RERE: variants seen among roughly 807,000 people sequenced by gnomAD.
The protein encoded by RERE is arginine-glutamic acid dipeptide repeats protein.
Under a neutral mutation model 146.1 loss-of-function variants are expected in RERE, and 40 were observed. That is an observed-to-expected ratio of 0.27 (90% CI 0.21 to 0.36). The LOEUF (loss-of-function observed/expected upper bound fraction) is 0.36. Among genes scored for constraint, RERE ranks in the 10% least tolerant of loss-of-function variants. The probability of loss-of-function intolerance (pLI) is 1.00; values close to 1 mark genes in which losing one functional copy is unlikely to be tolerated. For missense variants in RERE, 1,933 were observed against 2,138.7 expected (o/e 0.90, Z 1.90); for synonymous variants, 1,003 against 866.0 (o/e 1.16, Z -2.78).
At chr1:8,755,404 T>G (rs1393816043) in intron 1 of RERE, among the ~76,000 whole-genome samples, 1 of 152,248 alleles carries the variant, frequency 6.6e-6, no homozygotes, top group African/African-American at 2.4e-5. Context: ...TCATTTCCTC[T>G]TAGCAGTCCT....
intron 10 of RERE, among the ~76,000 whole-genome samples, chr1:8,481,175 G>A (rs1203272266): frequency 1.3e-5 from 2 of 152,166 alleles, no homozygotes; most frequent in African/African-American, 4.8e-5. Flanking sequence ...GGAGTGCAGT[G>A]GCGCGATCTC....
At chr1:8,453,015 T>C (rs1030909550) in intron 11 of RERE, among the ~76,000 whole-genome samples, 1 of 152,190 alleles carries the variant, frequency 6.6e-6, no homozygotes, top group Non-Finnish European at 1.5e-5. Context: ...TCTCAGAGTG[T>C]GGCCTAAAAG....
intron 1 of RERE, among the ~76,000 whole-genome samples, chr1:8,721,589 C>T (rs191317672): frequency 2.0e-4 from 31 of 152,268 alleles, no homozygotes; most frequent in South Asian, 1.0e-3. Flanking sequence ...GCCGGGATTA[C>T]AGATGTGAGC....
intron 1 of RERE, among the ~76,000 whole-genome samples, chr1:8,805,175 A>G (rs1641666270): frequency 6.6e-6 from 1 of 151,454 alleles, no homozygotes; most frequent in South Asian, 2.1e-4. Flanking sequence ...CAGCTATTAA[A>G]TAATTTTGAA....
intron 6 of RERE, among the ~76,000 whole-genome samples, chr1:8,543,546 A>T (rs1645824162): frequency 6.6e-6 from 1 of 152,230 alleles, no homozygotes; most frequent in Non-Finnish European, 1.5e-5. Flanking sequence ...AAAGGTAAAG[A>T]AAACCCTTAA....
chr1:8,735,649 C>G (rs1640179954), intron 1 of RERE, among the ~76,000 whole-genome samples: 1 of 152,146 alleles, frequency 6.6e-6, no homozygotes, highest in Admixed American at 6.5e-5. Flanking sequence ...GGAGGTGGGG[C>G]CCGGTGGGAG....
chr1:8,595,419 A>G (rs988026375), intron 4 of RERE, among the ~76,000 whole-genome samples: 4 of 152,010 alleles, frequency 2.6e-5, no homozygotes, highest in African/African-American at 9.7e-5. Flanking sequence ...AAAAGTACAC[A>G]CACACAAGAA....
At chr1:8,496,398 G>C (rs1000486159) in intron 9 of RERE, among the ~76,000 whole-genome samples, 4 of 151,788 alleles carry the variant, frequency 2.6e-5, no homozygotes, top group Admixed American at 1.3e-4. Flanking sequence ...GATCGCTTGA[G>C]CTCAGGAAGT....
intron 1 of RERE, among the ~76,000 whole-genome samples, chr1:8,743,133 C>T (rs1057028497): frequency 6.6e-6 from 1 of 152,070 alleles, no homozygotes; most frequent in African/African-American, 2.4e-5. Context: ...CAGTGGCTCA[C>T]ACCTATAATC....
intron 10 of RERE, among the ~76,000 whole-genome samples, chr1:8,477,728 T>G (rs1644774069): frequency 6.6e-6 from 1 of 152,350 alleles, no homozygotes; most frequent in East Asian, 1.9e-4. Flanking sequence ...TTAGTAGAAT[T>G]GAGGTACAGA....
chr1:8,366,786 T>C (rs1268797056), intron 12 of RERE, among the ~76,000 whole-genome samples: 2 of 151,886 alleles, frequency 1.3e-5, no homozygotes, highest in African/African-American at 2.4e-5. Flanking sequence ...GTAAGCTTTT[T>C]AAAGAAAGGG....
intron 12 of RERE, among the ~76,000 whole-genome samples, chr1:8,407,572 T>G (rs905728893): frequency 6.6e-6 from 1 of 152,056 alleles, no homozygotes; most frequent in Non-Finnish European, 1.5e-5. Flanking sequence ...GCCCTAGTTC[T>G]TGGCTCATCC....
intron 1 of RERE, among the ~76,000 whole-genome samples, chr1:8,700,498 A>G (rs1202084854): frequency 6.6e-6 from 1 of 152,116 alleles, no homozygotes. Context: ...ATAACTTGAA[A>G]CAATAACACT....
At chr1:8,797,376 TAA>T (rs34435165) in intron 1 of RERE, among the ~76,000 whole-genome samples, 369 of 146,482 alleles carry the variant, frequency 2.5e-3, no homozygotes, top group Admixed American at 2.6e-3. Flanking sequence ...AGACTCCGCC[TAA>T]AAAAAAAAAA....
chr1:8,525,742 A>AG (rs1388785416), intron 7 of RERE: 11 of 1,594,044 alleles, frequency 6.9e-6, no homozygotes, highest in Non-Finnish European at 9.4e-6. Context: ...CGGTGAGGCC[A>AG]GGGGAAGATA....
At chr1:8,696,589 A>T (rs1455176513) in intron 1 of RERE, among the ~76,000 whole-genome samples, 2 of 150,414 alleles carry the variant, frequency 1.3e-5, no homozygotes, top group Non-Finnish European at 3.0e-5. Flanking sequence ...ACTCCTGCCT[A>T]GGCAACAGAG....
intron 12 of RERE, among the ~76,000 whole-genome samples, chr1:8,409,189 T>C (rs1457716355): frequency 2.0e-5 from 3 of 151,986 alleles, no homozygotes; most frequent in East Asian, 1.9e-4. Flanking sequence ...GCAGAGGGAG[T>C]ACAACGTTTG....
chr1:8,480,194 C>T (rs1294020073), intron 10 of RERE, among the ~76,000 whole-genome samples: 1 of 140,734 alleles, frequency 7.1e-6, no homozygotes, highest in East Asian at 2.1e-4. Context: ...GGCTGCAGTG[C>T]ACTGATGTCA....
intron 1 of RERE, among the ~76,000 whole-genome samples, chr1:8,662,319 A>G (rs1456153529): frequency 6.6e-6 from 1 of 152,176 alleles, no homozygotes. Flanking sequence ...CTACTTCTCA[A>G]AACCAATTCA....
Sources: allele counts gnomAD v4.1 joint callset (sites outside exome capture counted in the v4.1 genomes callset), GRCh38; gene constraint gnomAD v4.1.1; transcripts MANE v1.5; gene names NCBI Gene and HGNC (gene_info 2026-07-23, HGNC 2026-07-21).